The following ZNF568 variants were observed in gnomAD, a reference collection of about 807,000 sequenced individuals.
ZNF568 encodes zinc finger protein 568.
In ZNF568, 11 loss-of-function variants were observed where a neutral mutation model predicts 18.1. The ratio of observed to expected loss-of-function variants is 0.61; its 90% confidence interval spans 0.38 to 1.00. The LOEUF is 1.00. ZNF568 is among the 50% of genes least tolerant of loss of function. The probability of loss-of-function intolerance (pLI) is 0.01; values close to 1 mark genes in which losing one functional copy is unlikely to be tolerated. For missense variants in ZNF568, 639 were observed against 768.2 expected, an observed-to-expected ratio of 0.83 and a Z score of 1.99; for synonymous variants, 213 against 246.6, an observed-to-expected ratio of 0.86 and a Z score of 1.28.
intron 6 of ZNF568, among the ~76,000 whole-genome samples, chr19:36,974,166 C>T (rs1264919426): frequency 1.3e-5 from 2 of 152,112 alleles, no homozygotes; most frequent in African/African-American, 4.8e-5. Flanking sequence ...CAGTGTAAGA[C>T]GCTAGGCCTG....
chr19:36,967,581 A>C (rs375386955), intron 6 of ZNF568, among the ~76,000 whole-genome samples: 1 of 152,224 alleles, frequency 6.6e-6, no homozygotes, highest in African/African-American at 2.4e-5. Context: ...CAAAACAAAC[A>C]AGCAAAAAAT....
intron 4 of ZNF568, among the ~76,000 whole-genome samples, chr19:36,930,705 C>G (rs1014869053): frequency 2.0e-5 from 3 of 152,152 alleles, no homozygotes; most frequent in Non-Finnish European, 4.4e-5. Flanking sequence ...GTGTCAAGCT[C>G]TGTTCTGAGT....
intron 6 of ZNF568, among the ~76,000 whole-genome samples, chr19:36,960,971 C>T (rs1318981827): frequency 6.6e-6 from 1 of 152,084 alleles, no homozygotes; most frequent in East Asian, 1.9e-4. Context: ...GTTCCATGTA[C>T]TGATGAAAAT....
At chr19:36,966,265 A>C (rs1195072647) in intron 6 of ZNF568, among the ~76,000 whole-genome samples, 1 of 152,124 alleles carries the variant, frequency 6.6e-6, no homozygotes, top group African/African-American at 2.4e-5. Flanking sequence ...CAGCCTAGGC[A>C]ACAGAGACTC....
At chr19:36,936,054 T>G (rs1157124533) in intron 4 of ZNF568, among the ~76,000 whole-genome samples, 2 of 152,178 alleles carry the variant, frequency 1.3e-5, no homozygotes, top group East Asian at 1.9e-4. Flanking sequence ...ACTGCTTTCT[T>G]TTCACTAAGC....
chr19:36,967,930 A>G (rs2146328429), intron 6 of ZNF568, among the ~76,000 whole-genome samples: 1 of 152,348 alleles, frequency 6.6e-6, no homozygotes, highest in South Asian at 2.1e-4. Flanking sequence ...CTGGGCATGA[A>G]GGAGAATCTC....
At chr19:36,955,748 A>G (rs1301448339), downstream of ZNF568, among the ~76,000 whole-genome samples, 1 of 152,232 alleles carries the variant, frequency 6.6e-6, no homozygotes, top group Non-Finnish European at 1.5e-5. Flanking sequence ...CTTGGACTAG[A>G]CACAGCAGTA....
chr19:36,959,944 C>T (rs1209584339), intron 6 of ZNF568, among the ~76,000 whole-genome samples: 1 of 151,826 alleles, frequency 6.6e-6, no homozygotes, highest in Non-Finnish European at 1.5e-5. Context: ...TTTTGAATAA[C>T]CAACTTTTCA....
intron 6 of ZNF568, among the ~76,000 whole-genome samples, chr19:36,962,287 T>G (rs1235367957): frequency 0.014 from 2,029 of 143,078 alleles, 58 homozygotes; most frequent in African/African-American, 0.05. Flanking sequence ...GTTTTTTTTT[T>G]TTTTTTTTTT....
At chr19:36,966,980 A>T (rs1218453243) in intron 6 of ZNF568, among the ~76,000 whole-genome samples, 5 of 152,120 alleles carry the variant, frequency 3.3e-5, no homozygotes, top group Admixed American at 3.3e-4. Flanking sequence ...ATGGGGAGTA[A>T]TTTCCTGTAG....
At chr19:36,971,438 G>A (rs2074235210) in intron 6 of ZNF568, among the ~76,000 whole-genome samples, 3 of 151,722 alleles carry the variant, frequency 2.0e-5, no homozygotes, top group Non-Finnish European at 4.4e-5. Context: ...AATGTTATAA[G>A]TAATGTTTCA....
chr19:36,961,490 A>C (rs1464005392), intron 6 of ZNF568, among the ~76,000 whole-genome samples: 1 of 151,714 alleles, frequency 6.6e-6, no homozygotes, highest in Non-Finnish European at 1.5e-5. Context: ...GCCATTCTCT[A>C]TTTTTTAAGT....
At chr19:36,941,707 T>A (rs1328573159) in intron 6 of ZNF568, among the ~76,000 whole-genome samples, 1 of 152,200 alleles carries the variant, frequency 6.6e-6, no homozygotes, top group African/African-American at 2.4e-5. Context: ...GCAAAAGTAA[T>A]GAGAACTTGG....
chr19:36,996,806 G>A, exon 5 of ZNF568: 2 of 1,551,088 alleles, frequency 1.3e-6, no homozygotes, highest in East Asian at 4.7e-5. Flanking sequence ...TGTAAGGAAT[G>A]TGGGAAAGCC....
At chr19:36,962,308 G>T (rs1442367462) in intron 6 of ZNF568, among the ~76,000 whole-genome samples, 2 of 74,750 alleles carry the variant, frequency 2.7e-5, no homozygotes, top group African/African-American at 9.3e-5. Flanking sequence ...TTTGCTTCCA[G>T]GTTTAAGACC....
At chr19:36,985,938 T>G (rs949996827) in intron 2 of ZNF568, among the ~76,000 whole-genome samples, 1 of 152,202 alleles carries the variant, frequency 6.6e-6, no homozygotes, top group Non-Finnish European at 1.5e-5. Context: ...TGCTGCTTTA[T>G]TTTTGACTCA....
At chr19:36,930,461 G>A (rs560445127) in intron 4 of ZNF568, among the ~76,000 whole-genome samples, 1 of 152,096 alleles carries the variant, frequency 6.6e-6, no homozygotes, top group Admixed American at 6.5e-5. Flanking sequence ...CGCCCGCCTC[G>A]GCCTCCCAAA....
At chr19:36,928,008 G>A (rs1387954699) in intron 4 of ZNF568, among the ~76,000 whole-genome samples, 3 of 142,512 alleles carry the variant, frequency 2.1e-5, no homozygotes, top group Non-Finnish European at 4.5e-5. Context: ...TCCACCTCCC[G>A]GGTTTAAGTG....
At chr19:36,933,144 C>CTTTTTTTTTTTTTTTT (rs371143411) in intron 4 of ZNF568, among the ~76,000 whole-genome samples, 1 of 134,852 alleles carries the variant, frequency 7.4e-6, no homozygotes, top group Non-Finnish European at 1.6e-5. Flanking sequence ...ATTCTGAGAC[C>CTTTTTTTTTTTTTTTT]TTTTTTTTTT....
Sources: allele counts gnomAD v4.1 joint callset (sites outside exome capture counted in the v4.1 genomes callset), GRCh38; gene constraint gnomAD v4.1.1; transcripts MANE v1.5; gene names NCBI Gene and HGNC (gene_info 2026-07-23, HGNC 2026-07-21).